WWOX: variants seen among roughly 807,000 people sequenced by gnomAD.
WWOX encodes WW domain containing oxidoreductase.
A neutral mutation model predicts 46.2 loss-of-function variants in WWOX; 69 were observed. The ratio of observed to expected loss-of-function variants is 1.49; its 90% confidence interval spans 1.23 to 1.82. The LOEUF is 1.82. WWOX is among the 40% of genes most tolerant of loss of function. WWOX has a pLI of 0.00. For synonymous variants in WWOX, 359 were observed against 202.6 expected, an observed-to-expected ratio of 1.77 and a Z score of -6.56; for missense variants, 919 against 542.6, an observed-to-expected ratio of 1.69 and a Z score of -6.89.
At chr16:78,387,737 C>T (rs953381585) in intron 6 of WWOX, among the ~76,000 whole-genome samples, 5 of 151,968 alleles carry the variant, frequency 3.3e-5, no homozygotes, top group African/African-American at 9.7e-5. Context: ...CCTGGTTTCT[C>T]GTTGAACATA....
chr16:78,141,797 A>G (rs1228195598), intron 4 of WWOX, among the ~76,000 whole-genome samples: 1 of 152,122 alleles, frequency 6.6e-6, no homozygotes, highest in Non-Finnish European at 1.5e-5. Flanking sequence ...TTAATAAAGT[A>G]GTATTGATTT....
At chr16:78,123,483 A>C (rs1368855262) in intron 4 of WWOX, 1 of 59,950 alleles carries the variant, frequency 1.7e-5, no homozygotes, top group Non-Finnish European at 3.3e-5. Flanking sequence ...TTTGAGATGA[A>C]GTCTTCCTCT....
intron 8 of WWOX, among the ~76,000 whole-genome samples, chr16:79,190,901 G>C (rs1044194190): frequency 1.3e-5 from 2 of 152,164 alleles, no homozygotes; most frequent in African/African-American, 4.8e-5. Context: ...GAGTTAGACA[G>C]CTAATTAGTT....
At chr16:78,743,965 A>G (rs752441673) in intron 8 of WWOX, among the ~76,000 whole-genome samples, 1 of 152,110 alleles carries the variant, frequency 6.6e-6, no homozygotes, top group Non-Finnish European at 1.5e-5. Flanking sequence ...CTTTTCAGTA[A>G]ATCTCTACTT....
chr16:78,127,012 G>C (rs1293989419), intron 4 of WWOX, among the ~76,000 whole-genome samples: 1 of 152,162 alleles, frequency 6.6e-6, no homozygotes, highest in Non-Finnish European at 1.5e-5. Context: ...TGACAGTTAG[G>C]GCAAGCTTCA....
chr16:78,248,966 C>T (rs1251329748), intron 5 of WWOX, among the ~76,000 whole-genome samples: 1 of 148,072 alleles, frequency 6.8e-6, no homozygotes. Context: ...AGGTGATTCT[C>T]CTGCCTCAGC....
At chr16:78,148,260 T>G (rs776898414) in intron 4 of WWOX, among the ~76,000 whole-genome samples, 1 of 152,122 alleles carries the variant, frequency 6.6e-6, no homozygotes, top group Non-Finnish European at 1.5e-5. Flanking sequence ...GGAGTGTGAG[T>G]ACAGAATTAT....
At chr16:78,998,695 C>A (rs953676341) in intron 8 of WWOX, among the ~76,000 whole-genome samples, 1 of 152,220 alleles carries the variant, frequency 6.6e-6, no homozygotes, top group Non-Finnish European at 1.5e-5. Context: ...ATGAAGGACT[C>A]TTTCATTATC....
intron 8 of WWOX, among the ~76,000 whole-genome samples, chr16:78,839,408 G>C (rs766270758): frequency 7.2e-5 from 11 of 152,046 alleles, no homozygotes; most frequent in Non-Finnish European, 1.0e-4. Context: ...TTGTTGGTTT[G>C]GCATTGATTT....
chr16:78,289,707 A>G (rs2079828873), intron 5 of WWOX, among the ~76,000 whole-genome samples: 1 of 152,248 alleles, frequency 6.6e-6, no homozygotes, highest in Admixed American at 6.5e-5. Flanking sequence ...TGTTTTCTAA[A>G]TAAACAATAT....
chr16:78,502,677 A>G (rs8063539), intron 8 of WWOX, among the ~76,000 whole-genome samples: 8,040 of 152,256 alleles, frequency 0.053, 699 homozygotes, highest in African/African-American at 0.19. Flanking sequence ...TTTCATTCCA[A>G]TATCCTTTGA....
At chr16:78,899,908 C>G (rs1319133171) in intron 8 of WWOX, among the ~76,000 whole-genome samples, 1 of 152,122 alleles carries the variant, frequency 6.6e-6, no homozygotes, top group Non-Finnish European at 1.5e-5. Flanking sequence ...TCTGTCAGGA[C>G]ATAAATTAAG....
intron 5 of WWOX, among the ~76,000 whole-genome samples, chr16:78,288,642 C>A (rs1414384519): frequency 6.6e-6 from 1 of 152,114 alleles, no homozygotes; most frequent in Admixed American, 6.5e-5. Context: ...TTTGCAAGGT[C>A]TCTCTTTATA....
chr16:78,937,344 T>C (rs975634487), intron 8 of WWOX, among the ~76,000 whole-genome samples: 1 of 152,088 alleles, frequency 6.6e-6, no homozygotes, highest in African/African-American at 2.4e-5. Context: ...TGTCAGATTA[T>C]GCATTAACAA....
rs147577344 is a variant in WWOX, at chr16:78,840,577, G to A, written c.1057-371031G>A. The stretch of plus-strand genomic sequence containing the variant: ...AGCAGTATTGTTACACAGTTTGTAA[G>A]TCTTAAAACTCAGTATCTACTCTAG... On this transcript the variant is annotated intron_variant, in intron 8 of 8. Transcript: ENST00000566780. Among the ~76,000 whole-genome samples, 1,222 of 152,210 alleles carry A rather than the reference G, an allele frequency of 8.0e-3. 3 individuals are homozygous for A. The highest frequency in any genetic ancestry group is 0.013 in the Non-Finnish European group (890 of 68,016).
intron 8 of WWOX, among the ~76,000 whole-genome samples, chr16:78,917,861 A>G (rs1174135123): frequency 6.6e-6 from 1 of 152,172 alleles, no homozygotes. Context: ...AGAAATACTG[A>G]TATCCTAAGT....
At chr16:78,590,229 GA>G (rs2045320240) in intron 8 of WWOX, among the ~76,000 whole-genome samples, 1 of 152,016 alleles carries the variant, frequency 6.6e-6, no homozygotes, top group African/African-American at 2.4e-5. Flanking sequence ...CTAGAGGCTG[GA>G]AAATTCAAGA....
At chr16:78,721,191 TA>T (rs2142352730) in intron 8 of WWOX, among the ~76,000 whole-genome samples, 1 of 152,342 alleles carries the variant, frequency 6.6e-6, no homozygotes, top group African/African-American at 2.4e-5. Flanking sequence ...AAATATATTA[TA>T]GGCCATTATA....
intron 8 of WWOX, among the ~76,000 whole-genome samples, chr16:78,809,641 A>T (rs1329942355): frequency 6.6e-6 from 1 of 152,090 alleles, no homozygotes; most frequent in Non-Finnish European, 1.5e-5. Flanking sequence ...CCTAGTACAC[A>T]GGGGCCCCCC....
Sources: allele counts gnomAD v4.1 joint callset (sites outside exome capture counted in the v4.1 genomes callset), GRCh38; gene constraint gnomAD v4.1.1; transcripts MANE v1.5; gene names NCBI Gene and HGNC (gene_info 2026-07-23, HGNC 2026-07-21).